The following NBAS variants were observed in gnomAD, a reference collection of about 807,000 sequenced individuals.
NBAS encodes NAG/BC035112 fusion.
A neutral mutation model predicts 302.5 loss-of-function variants in NBAS; 219 were observed. That is an observed-to-expected ratio of 0.72 (90% CI 0.65 to 0.81). The LOEUF (loss-of-function observed/expected upper bound fraction) is 0.81, where lower values mean the gene tolerates loss of function less well. Among genes scored for constraint, NBAS ranks in the 30% least tolerant of loss-of-function variants. The pLI, the probability that NBAS is intolerant of heterozygous loss-of-function variation, is 0.00. For synonymous variants in NBAS, 1,118 were observed against 1,021.6 expected (o/e 1.09, Z -1.80); for missense variants, 2,932 against 2,841.6 (o/e 1.03, Z -0.72).
At chr2:14,832,935 T>C in the NBAS span, among the ~76,000 whole-genome samples, 2 of 152,180 alleles carry the variant, frequency 1.3e-5, no homozygotes, top group East Asian at 1.9e-4. Context: ...ATAACCTCGT[T>C]GGATAGTTAT....
the NBAS span, among the ~76,000 whole-genome samples, chr2:15,108,311 T>C: frequency 2.0e-5 from 3 of 152,150 alleles, no homozygotes; most frequent in African/African-American, 7.2e-5. Flanking sequence ...GAGAATATCA[T>C]TATTCTTGCT....
the NBAS span, among the ~76,000 whole-genome samples, chr2:15,016,972 C>T: frequency 6.6e-6 from 1 of 152,100 alleles, no homozygotes; most frequent in East Asian, 1.9e-4. Flanking sequence ...AACTATTTAT[C>T]TTTTGTGTTA....
chr2:14,809,120 AGTATGGAAAAT>A, the NBAS span, among the ~76,000 whole-genome samples: 1 of 152,228 alleles, frequency 6.6e-6, no homozygotes, highest in African/African-American at 2.4e-5. Flanking sequence ...AGGGCATAAA[AGTATGGAAAAT>A]TTGCAGCCTG....
At chr2:14,784,436 T>A in the NBAS span, among the ~76,000 whole-genome samples, 7 of 152,312 alleles carry the variant, frequency 4.6e-5, no homozygotes, top group African/African-American at 1.7e-4. Context: ...TCTTCTAGGG[T>A]TTTTATGGTT....
At chr2:14,916,172 T>C in the NBAS span, among the ~76,000 whole-genome samples, 1 of 152,304 alleles carries the variant, frequency 6.6e-6, no homozygotes, top group African/African-American at 2.4e-5. Context: ...AGAATAAGCC[T>C]GGGCTTTAAT....
chr2:14,912,702 T>A, the NBAS span, among the ~76,000 whole-genome samples: 9 of 101,300 alleles, frequency 8.9e-5, no homozygotes, highest in African/African-American at 2.2e-4. Flanking sequence ...GCATTCATTT[T>A]TAAAAAAAAA....
the NBAS span, among the ~76,000 whole-genome samples, chr2:14,952,099 C>A: frequency 6.6e-6 from 1 of 152,212 alleles, no homozygotes; most frequent in Admixed American, 6.5e-5. Context: ...CCTGCCTCCC[C>A]CTGGCCATCC....
intron 26 of NBAS, 71 bp from the exon 27 acceptor site, chr2:15,396,546 T>A: frequency 9.6e-7 from 1 of 1,037,104 alleles, no homozygotes; most frequent in Non-Finnish European, 1.4e-6. Flanking sequence ...AATACAAAAC[T>A]TAATGAAGTG....
chr2:15,536,579 TA>T (rs57935128), intron 7 of NBAS, 28 bp from the exon 8 acceptor site: 26,628 of 1,294,896 alleles, frequency 0.021, 5 homozygotes, highest in Non-Finnish European at 0.023. Context: ...ATTAAGTTAC[TA>T]AAAAAAAAAA....
intron 23 of NBAS, among the ~76,000 whole-genome samples, chr2:15,418,176 C>T (rs1186330184): frequency 2.6e-5 from 4 of 152,178 alleles, no homozygotes; most frequent in Admixed American, 6.5e-5. Context: ...TTTCACACTG[C>T]CTTTCCATAT....
At chr2:14,937,547 T>C in the NBAS span, among the ~76,000 whole-genome samples, 1 of 152,144 alleles carries the variant, frequency 6.6e-6, no homozygotes, top group African/African-American at 2.4e-5. Context: ...CTGAGTCTTA[T>C]GCCCTGGAGT....
At chr2:15,098,564 A>ATATTGTATATATGTTATATATTATG in the NBAS span, among the ~76,000 whole-genome samples, 1 of 115,112 alleles carries the variant, frequency 8.7e-6, no homozygotes, top group Non-Finnish European at 1.7e-5. Flanking sequence ...TATATATTAT[A>ATATTGTATATATGTTATATATTATG]TATTGTATAT....
intron 23 of NBAS, among the ~76,000 whole-genome samples, chr2:15,420,232 C>T (rs972494238): frequency 4.6e-5 from 7 of 152,000 alleles, no homozygotes; most frequent in African/African-American, 1.7e-4. Context: ...ATCACAGAAG[C>T]CGAAGAAGAA....
At chr2:15,285,489 C>A (rs1669996042) in intron 42 of NBAS, among the ~76,000 whole-genome samples, 1 of 152,134 alleles carries the variant, frequency 6.6e-6, no homozygotes, top group Non-Finnish European at 1.5e-5. Context: ...TCTGTTCTTT[C>A]CCCAAGCATA....
At chr2:15,556,400 A>G (rs897867934) in intron 3 of NBAS, among the ~76,000 whole-genome samples, 2 of 152,194 alleles carry the variant, frequency 1.3e-5, no homozygotes, top group African/African-American at 2.4e-5. Flanking sequence ...ACTGAAACCT[A>G]AAGAACCTTC....
chr2:15,198,550 T>A (rs1000893308), intron 48 of NBAS, among the ~76,000 whole-genome samples: 1 of 152,100 alleles, frequency 6.6e-6, no homozygotes, highest in African/African-American at 2.4e-5. Context: ...TGAACTGTGG[T>A]TGAAGCGGTA....
Position 15,372,377 on chromosome 2 carries a change from C to T in NBAS, c.3703+2231G>A, listed in dbSNP as rs1674528098. On this transcript the variant is annotated intron_variant, in intron 31 of 51. Transcript: ENST00000281513. ...ATTGATTATAATTTAGTTAGAACTG[C>T]TAGCCTTTACTTGATGAGAAACAGC... Among the ~76,000 whole-genome samples the T allele has an allele frequency of 4.6e-5, 7 of 152,166 alleles. 1 individual carries two copies. In the South Asian group the frequency reaches 1.4e-3, roughly 31 times the overall value.
intron 19 of NBAS, 68 bp downstream of exon 19, chr2:15,467,261 G>A (rs1679762080): frequency 8.9e-7 from 1 of 1,128,002 alleles, no homozygotes; most frequent in Non-Finnish European, 1.4e-6. Context: ...TCCGATATTA[G>A]GGCAGCCATA....
At chr2:14,801,677 C>T in the NBAS span, among the ~76,000 whole-genome samples, 1 of 151,910 alleles carries the variant, frequency 6.6e-6, no homozygotes, top group Non-Finnish European at 1.5e-5. Flanking sequence ...TTTTCCTCTT[C>T]TTTGCATTCC....
Sources: allele counts gnomAD v4.1 joint callset (sites outside exome capture counted in the v4.1 genomes callset), GRCh38; gene constraint gnomAD v4.1.1; transcripts MANE v1.5; gene names NCBI Gene and HGNC (gene_info 2026-07-23, HGNC 2026-07-21).